Variants in USP24 observed in about 807,000 individuals in gnomAD.
USP24 encodes the protein ubiquitin carboxyl-terminal hydrolase 24.
Under a neutral mutation model 361.6 loss-of-function variants are expected in USP24, and 97 were observed. That is an observed-to-expected ratio of 0.27 (90% confidence interval 0.23 to 0.32). The LOEUF (loss-of-function observed/expected upper bound fraction) is 0.32. Among genes scored for constraint, USP24 ranks in the 10% least tolerant of loss-of-function variants. USP24 has a pLI of 1.00. For synonymous variants in USP24, 1,098 were observed against 1,124.6 expected (o/e 0.98, Z 0.47); for missense variants, 2,353 against 3,165.6 (o/e 0.74, Z 6.16).
At chr1:55,188,146 G>A (rs1256200395) in intron 1 of USP24, among the ~76,000 whole-genome samples, 1 of 152,038 alleles carries the variant, frequency 6.6e-6, no homozygotes, top group South Asian at 2.1e-4. Context: ...CTTTCACAAA[G>A]ACAAAAAAGT....
chr1:55,134,985 A>G lies in USP24; in HGVS notation c.3202-572T>C, dbSNP rs78359648. Among the ~76,000 whole-genome samples, 961 of 152,296 alleles carry G rather than the reference A, an allele frequency of 6.3e-3. 8 individuals are homozygous for G. The highest frequency in any genetic ancestry group is 0.022 in the African/African-American group (918 of 41,554). On this transcript the variant is annotated intron_variant, in intron 28 of 67. Coordinates refer to ENST00000294383, the MANE Select transcript of USP24 (RefSeq NM_015306.3). ...GGAATAAGAAATCGGACATCATTAC[A>G]CAACGTATTTACAAGTGGGAAGATT...
chr1:55,167,357 C>A (rs1274261450), intron 5 of USP24, among the ~76,000 whole-genome samples: 5 of 152,000 alleles, frequency 3.3e-5, no homozygotes, highest in African/African-American at 9.7e-5. Context: ...GGCAAAGGTC[C>A]TGATGGGGGA....
In USP24 at chr1:55,079,573, A is replaced by T; in HGVS notation, c.7165T>A (p.Leu2389Met). ...LPLHEEVEAL[L>M]FMSEGKPYLL... is the part of the protein sequence containing the mutation. ...TAAGGTTTCCCTTCAGACATGAACAACAAGGCTTCTACCTCCTCATGGAGG... is the reference window on the plus strand; with the variant it reads ...TAAGGTTTCCCTTCAGACATGAACATCAAGGCTTCTACCTCCTCATGGAGG... The change falls in exon 60 of 68, where the codon TTG (leucine) becomes ATG (methionine). Residue 2389 changes from leucine (L) to methionine (M), a missense_variant. By Grantham distance (15) the Leu-to-Met change is conservative. This residue lies in a region of USP24 where 598 missense variants were observed against 761.9 expected (regional missense o/e 0.78). Coordinates refer to ENST00000294383, the MANE Select transcript of USP24 (RefSeq NM_015306.3). 6.3e-7 allele frequency: 1 copy of T among 1,577,128 alleles called. No homozygotes were observed. Among genetic ancestry groups the T allele is most frequent in the Non-Finnish European group, 8.6e-7 (1 of 1,167,878 alleles).
chr1:55,202,641 G>A (rs1397440625), intron 1 of USP24, among the ~76,000 whole-genome samples: 1 of 152,142 alleles, frequency 6.6e-6, no homozygotes, highest in Non-Finnish European at 1.5e-5. Flanking sequence ...CTGACCTCAG[G>A]TGATCCACCT....
At chr1:55,191,788 C>A (rs148410340) in intron 1 of USP24, among the ~76,000 whole-genome samples, 3 of 152,218 alleles carry the variant, frequency 2.0e-5, no homozygotes, top group South Asian at 2.1e-4. Context: ...CCCTGCCTGG[C>A]CTGGCACTTT....
intron 5 of USP24, among the ~76,000 whole-genome samples, chr1:55,168,978 T>G (rs1204590577): frequency 1.3e-5 from 2 of 152,090 alleles, no homozygotes; most frequent in African/African-American, 2.4e-5. Context: ...TACATATATT[T>G]CCATACACCT....
intron 1 of USP24, among the ~76,000 whole-genome samples, chr1:55,178,701 AAATAAATAAATAAATAAATAAATAAAT>A (rs1650253011): frequency 1.6e-5 from 2 of 124,238 alleles, no homozygotes; most frequent in South Asian, 4.5e-4. Flanking sequence ...ATAAATAAAT[AAATAAATAAATAAATAAATAAATAAAT>A]AAAAAGAACT....
intron 1 of USP24, among the ~76,000 whole-genome samples, chr1:55,200,218 C>T (rs773478382): frequency 2.0e-5 from 3 of 152,200 alleles, no homozygotes; most frequent in Admixed American, 6.5e-5. Flanking sequence ...TGTAGCAGAC[C>T]ATTTTCTAAT....
At chr1:55,213,735 T>C (rs893913115) in intron 1 of USP24, among the ~76,000 whole-genome samples, 2 of 152,190 alleles carry the variant, frequency 1.3e-5, no homozygotes, top group Non-Finnish European at 2.9e-5. Context: ...CTGCTGCTTC[T>C]GGTCGATCTT....
intron 19 of USP24, among the ~76,000 whole-genome samples, 165 bp from the exon 20 acceptor site, chr1:55,146,274 T>C (rs554247254): frequency 6.6e-5 from 10 of 152,314 alleles, no homozygotes; most frequent in African/African-American, 2.2e-4. Context: ...ATGAAGCAGT[T>C]ACTAGCAATC....
Position 55,142,791 on chromosome 1 carries a change from G to T in USP24, c.2585C>A (p.Ser862Ter). ...AATGAATTTCTTATGTAAAGATACT[G>T]AATCCTGAAAGAGTATATGGAAATT... Reference protein sequence around the residue: ...INLNPRLKKDSVSLHKKFIAD... With the variant: ...INLNPRLKKD Residue 862 changes from serine to a stop codon, truncating the protein, a stop_gained, in exon 23 of 68, where the codon TCA (serine) becomes TAA (stop). Transcript: ENST00000294383. LOFTEE classifies it high-confidence loss of function. 1 of 1,546,492 alleles carries T rather than the reference G, an allele frequency of 6.5e-7. No homozygotes were observed. Among genetic ancestry groups the T allele is most frequent in the South Asian group, 1.2e-5 (1 of 81,816 alleles).
At chr1:55,092,232 T>G (rs1161561519) in intron 53 of USP24, 106 bp from the exon 54 acceptor site, 1 of 626,994 alleles carries the variant, frequency 1.6e-6, no homozygotes. Context: ...GAATATGATA[T>G]ACACACATGA....
At chr1:55,186,415 C>G (rs1035569085) in intron 1 of USP24, among the ~76,000 whole-genome samples, 1 of 152,182 alleles carries the variant, frequency 6.6e-6, no homozygotes, top group African/African-American at 2.4e-5. Context: ...AGCAACTCTA[C>G]TGGATACACA....
At position 55,141,880 on chromosome 1, in the gene USP24, G is replaced by A. The variant is rs184272675; in HGVS notation, c.2635-149C>T. The A allele has an allele frequency of 4.3e-6, 3 of 699,794 alleles. No homozygotes were observed. In the Admixed American group the frequency reaches 8.0e-5, roughly 19 times the overall value. The allele number at this position is 699,794 out of a possible 1,614,324, so 43.3% of individuals were successfully genotyped here. On this transcript the variant is annotated intron_variant, in intron 23 of 67. Transcript: ENST00000294383. Reference sequence around the variant, plus strand: ...AGGATCCCTGGCCTCTACCTACTTAGGGACCAGTAGGATGCTTCTAGTTGG... The same window carrying A: ...AGGATCCCTGGCCTCTACCTACTTAAGGACCAGTAGGATGCTTCTAGTTGG...
At chr1:55,208,618 C>T (rs1005170669) in intron 1 of USP24, among the ~76,000 whole-genome samples, 2 of 149,156 alleles carry the variant, frequency 1.3e-5, no homozygotes, top group Admixed American at 6.7e-5. Context: ...GACAAAACTA[C>T]ACTCTGTCTC....
rs533508418 is a variant in USP24 at position 55,139,274 on chromosome 1, G to A, written c.2751-264C>T. On this transcript the variant is annotated intron_variant, in intron 24 of 67. Coordinates refer to ENST00000294383, the MANE Select transcript of USP24 (RefSeq NM_015306.3). ...TTTCTTCTTTTCATTTCTTTAAACA[G>A]TTATTCCATAAATGGAGGACCTGGG... 5.3e-5 allele frequency among the ~76,000 whole-genome samples: 8 copies of A among 152,228 alleles called. No individual in the cohort carries two copies. The South Asian group carries it at 1.7e-3, about 32-fold the overall frequency.
chr1:55,138,791 T>C (rs927611129), intron 25 of USP24, 73 bp from the exon 26 acceptor site: 7 of 1,312,444 alleles, frequency 5.3e-6, no homozygotes, highest in Admixed American at 2.0e-5. Flanking sequence ...TATCTATGTA[T>C]ATATGATGAA....
At chr1:55,107,487 C>T (rs1557569354) in intron 39 of USP24, 57 bp from the exon 40 acceptor site, 1 of 1,468,996 alleles carries the variant, frequency 6.8e-7, no homozygotes, top group South Asian at 1.4e-5. Flanking sequence ...TTTATGGAGT[C>T]AAAGTCCTGA....
chr1:55,151,723 C>G (rs1038715342), intron 16 of USP24, among the ~76,000 whole-genome samples: 1 of 151,974 alleles, frequency 6.6e-6, no homozygotes, highest in East Asian at 1.9e-4. Context: ...GAAAGAGGAC[C>G]AAGGGAGCCG....
Sources: allele counts gnomAD v4.1 joint callset (sites outside exome capture counted in the v4.1 genomes callset), GRCh38; gene constraint gnomAD v4.1.1; regional missense constraint gnomAD v4.1.1; transcripts MANE v1.5; gene names NCBI Gene and HGNC (gene_info 2026-07-23, HGNC 2026-07-21).